PCDH15: variants seen among roughly 807,000 people sequenced by gnomAD.
The protein encoded by PCDH15 is protocadherin related 15, also known as protocadherin-15.
Under a neutral mutation model 178.5 loss-of-function variants are expected in PCDH15, and 129 were observed. That is an observed-to-expected ratio of 0.72 (90% CI 0.63 to 0.84). The LOEUF (loss-of-function observed/expected upper bound fraction) is 0.84. PCDH15 is among the 40% of genes least tolerant of loss of function. The pLI is 0.00. For missense variants in PCDH15, 2,230 were observed against 2,099.9 expected (o/e 1.06, Z -1.21); for synonymous variants, 800 against 732.0 (o/e 1.09, Z -1.50).
chr10:54,963,833 T>A (rs1272183206), intron 2 of PCDH15, among the ~76,000 whole-genome samples: 1 of 152,182 alleles, frequency 6.6e-6, no homozygotes, highest in Non-Finnish European at 1.5e-5. Context: ...TTGTTCTAGG[T>A]CCCATTTCTC....
At chr10:54,990,203 T>C (rs1197497228) in intron 2 of PCDH15, among the ~76,000 whole-genome samples, 3 of 152,234 alleles carry the variant, frequency 2.0e-5, no homozygotes, top group Non-Finnish European at 2.9e-5. Context: ...TTATGAAAAT[T>C]GGCTTACTGA....
intron 3 of PCDH15, among the ~76,000 whole-genome samples, chr10:54,891,003 C>A (rs1954451036): frequency 6.6e-6 from 1 of 151,904 alleles, no homozygotes; most frequent in African/African-American, 2.4e-5. Context: ...AGAAGGGGGT[C>A]ATGTTGAGAA....
intron 2 of PCDH15, among the ~76,000 whole-genome samples, chr10:55,606,685 G>C (rs1168894311): frequency 6.8e-6 from 1 of 147,516 alleles, no homozygotes; most frequent in African/African-American, 2.5e-5. Context: ...GGGAAAACTG[G>C]CTAGCCATAT....
chr10:54,776,139 T>C (rs1258291221), intron 1 of PCDH15, among the ~76,000 whole-genome samples: 2 of 152,184 alleles, frequency 1.3e-5, no homozygotes, highest in East Asian at 3.9e-4. Context: ...ATTTCATGTG[T>C]ATATGTGTCA....
intron 2 of PCDH15, among the ~76,000 whole-genome samples, chr10:55,571,327 C>T (rs1467184886): frequency 6.6e-6 from 1 of 151,990 alleles, no homozygotes; most frequent in Non-Finnish European, 1.5e-5. Flanking sequence ...AAATAAACCC[C>T]TTATCTTTAT....
chr10:54,073,815 A>G (rs1352557799), intron 17 of PCDH15, among the ~76,000 whole-genome samples: 1 of 152,210 alleles, frequency 6.6e-6, no homozygotes, highest in African/African-American at 2.4e-5. Context: ...AAAATTACTG[A>G]TCACTGTTCG....
rs114495234 is a variant in PCDH15 at position 53,933,049 on chromosome 10, C to T, written c.3373+5766G>A. 2.2e-3 allele frequency among the ~76,000 whole-genome samples: 339 copies of T among 152,076 alleles called. 2 individuals are homozygous for T. The highest frequency in any genetic ancestry group is 7.4e-3 in the African/African-American group (306 of 41,466). ...GACTTCCACCACGATTATAAGCTTC[C>T]GGAGGTCTCCATAGAACCAGAGCAG... On this transcript the variant is annotated intron_variant, in intron 25 of 37. Coordinates refer to ENST00000644397, the MANE Select transcript of PCDH15 (RefSeq NM_001384140.1).
At position 54,195,808 on chromosome 10, in the gene PCDH15, A is replaced by G. The variant is rs778369017; in HGVS notation, c.1180T>C (p.Tyr394His). 3 of 1,614,016 alleles carry G rather than the reference A, an allele frequency of 1.9e-6. No individual in the cohort carries two copies. In the South Asian group the frequency reaches 3.3e-5, roughly 18 times the overall value. Residue 394 changes from tyrosine to histidine, a missense_variant, in exon 11 of 38, where the codon TAT (tyrosine) becomes CAT (histidine). Tyr to His is a moderately conservative substitution (Grantham distance 83, BLOSUM62 2). Transcript: ENST00000644397. ...EILDENNQSP[Y>H]FTMPSYQGYI... ...CCTTGATAACTGGGCATTGTAAAATATGGACTTTGATTGTTTTCATCCAGT... is the reference window on the plus strand; with the variant it reads ...CCTTGATAACTGGGCATTGTAAAATGTGGACTTTGATTGTTTTCATCCAGT...
chr10:54,094,240 C>G (rs1354948328), intron 15 of PCDH15, among the ~76,000 whole-genome samples: 1 of 152,088 alleles, frequency 6.6e-6, no homozygotes, highest in Non-Finnish European at 1.5e-5. Context: ...AAAAATCCTG[C>G]CCTTATACAA....
At chr10:54,380,595 T>C (rs539366776) in intron 3 of PCDH15, among the ~76,000 whole-genome samples, 2 of 116,118 alleles carry the variant, frequency 1.7e-5, no homozygotes, top group South Asian at 3.0e-4. Flanking sequence ...CTTGACTCAA[T>C]AGTGTTTAAG....
At chr10:54,933,581 A>G (rs575349420) in intron 2 of PCDH15, among the ~76,000 whole-genome samples, 42 of 152,314 alleles carry the variant, frequency 2.8e-4, no homozygotes, top group African/African-American at 7.9e-4. Flanking sequence ...CAGGAAATTT[A>G]TCAGCATAAA....
At chr10:54,318,143 G>A (rs1477869380) in intron 7 of PCDH15, among the ~76,000 whole-genome samples, 1 of 152,124 alleles carries the variant, frequency 6.6e-6, no homozygotes, top group Non-Finnish European at 1.5e-5. Flanking sequence ...TCATGCCCTG[G>A]GGGGCCATCT....
chr10:54,854,057 G>A (rs966538131), intron 3 of PCDH15, among the ~76,000 whole-genome samples: 16 of 152,216 alleles, frequency 1.1e-4, no homozygotes, highest in African/African-American at 3.9e-4. Flanking sequence ...GGGTGTGTGA[G>A]CAAGCATGGG....
intron 8 of PCDH15, among the ~76,000 whole-genome samples, chr10:54,268,811 T>C (rs2057864471): frequency 6.6e-6 from 1 of 151,916 alleles, no homozygotes; most frequent in African/African-American, 2.4e-5. Flanking sequence ...TGTCTGGTGG[T>C]TGAGGAAATC....
At chr10:54,633,653 G>T (rs754828646) in intron 2 of PCDH15, among the ~76,000 whole-genome samples, 6 of 152,132 alleles carry the variant, frequency 3.9e-5, no homozygotes, top group Non-Finnish European at 8.8e-5. Flanking sequence ...AAATGAAAAA[G>T]AAACAGTGTA....
At chr10:55,439,700 A>G (rs1332240032) in intron 2 of PCDH15, among the ~76,000 whole-genome samples, 1 of 151,896 alleles carries the variant, frequency 6.6e-6, no homozygotes, top group African/African-American at 2.4e-5. Context: ...GGGAGAGGAG[A>G]CAAACAGAAA....
At chr10:55,465,165 G>A (rs1839806433) in intron 2 of PCDH15, among the ~76,000 whole-genome samples, 2 of 152,146 alleles carry the variant, frequency 1.3e-5, no homozygotes, top group African/African-American at 4.8e-5. Context: ...TTGACTCACA[G>A]GATCATGAGG....
intron 27 of PCDH15, among the ~76,000 whole-genome samples, chr10:53,863,811 T>C (rs1485751847): frequency 1.3e-5 from 2 of 152,054 alleles, no homozygotes; most frequent in Non-Finnish European, 1.5e-5. Context: ...ACTGCATAAG[T>C]AGAGGTACAG....
intron 1 of PCDH15, among the ~76,000 whole-genome samples, chr10:54,683,477 C>T (rs995248218): frequency 6.6e-6 from 1 of 152,032 alleles, no homozygotes; most frequent in Admixed American, 6.6e-5. Flanking sequence ...TGAGGGGATT[C>T]AAAATTGAAT....
Sources: gnomAD v4.1 joint callset for allele counts (sites outside exome capture counted in the v4.1 genomes callset) on GRCh38, gnomAD v4.1.1 for gene constraint, MANE v1.5 for transcripts, NCBI Gene and HGNC (gene_info 2026-07-23, HGNC 2026-07-21) for gene names.